The following SRPK2 variants were observed in gnomAD, a reference collection of about 807,000 sequenced individuals.
SRPK2 encodes the protein SFRS protein kinase 2.
Under a neutral mutation model 90.8 loss-of-function variants are expected in SRPK2, and 21 were observed. That is an observed-to-expected ratio of 0.23 (90% CI 0.16 to 0.33). The LOEUF is 0.33. Ranked by LOEUF, SRPK2 falls within the 10% of genes least tolerant of loss-of-function variation. The pLI is 1.00. For missense variants in SRPK2, 620 were observed against 869.0 expected, an observed-to-expected ratio of 0.71 and a Z score of 3.60; for synonymous variants, 288 against 311.1, an observed-to-expected ratio of 0.93 and a Z score of 0.78.
At chr7:105,170,466 G>A (rs11520996) in intron 3 of SRPK2, among the ~76,000 whole-genome samples, 108,294 of 151,562 alleles carry the variant, frequency 0.71, 41,778 homozygotes, top group Non-Finnish European at 0.87. Flanking sequence ...GCCAAGGCGG[G>A]CAGATCACCT....
intron 2 of SRPK2, among the ~76,000 whole-genome samples, chr7:105,280,825 T>C (rs374133538): frequency 6.6e-6 from 1 of 150,682 alleles, no homozygotes; most frequent in African/African-American, 2.4e-5. Flanking sequence ...CGGGCACCTG[T>C]AGTCCCAGCT....
intron 15 of SRPK2, among the ~76,000 whole-genome samples, chr7:105,123,356 C>T (rs918290809): frequency 6.6e-6 from 1 of 152,166 alleles, no homozygotes; most frequent in Non-Finnish European, 1.5e-5. Flanking sequence ...CCCCACTCTT[C>T]TCTGGCTGCG....
At chr7:105,378,974 T>G (rs541409090) in intron 2 of SRPK2, among the ~76,000 whole-genome samples, 1 of 151,642 alleles carries the variant, frequency 6.6e-6, no homozygotes, top group Admixed American at 6.6e-5. Flanking sequence ...CTGGGCAACA[T>G]AGGGAGATCC....
At chr7:105,354,363 G>A (rs1023638733) in intron 2 of SRPK2, among the ~76,000 whole-genome samples, 2 of 152,144 alleles carry the variant, frequency 1.3e-5, no homozygotes, top group Non-Finnish European at 2.9e-5. Context: ...CATCCACCCT[G>A]TACTCAGAGA....
At chr7:105,329,991 C>T (rs1398467519) in intron 2 of SRPK2, among the ~76,000 whole-genome samples, 4 of 152,034 alleles carry the variant, frequency 2.6e-5, no homozygotes, top group Non-Finnish European at 5.9e-5. Flanking sequence ...ACCGAGATCA[C>T]GTCCCGGCAC....
chr7:105,193,224 A>G (rs1794523532), intron 3 of SRPK2, among the ~76,000 whole-genome samples: 1 of 152,184 alleles, frequency 6.6e-6, no homozygotes, highest in African/African-American at 2.4e-5. Flanking sequence ...TGTTTAAGGT[A>G]TGAAATGAGG....
At chr7:105,247,949 G>C (rs1801938106) in intron 2 of SRPK2, among the ~76,000 whole-genome samples, 1 of 151,716 alleles carries the variant, frequency 6.6e-6, no homozygotes, top group Non-Finnish European at 1.5e-5. Flanking sequence ...CCACCTCCCG[G>C]GTTCAAGCGA....
intron 2 of SRPK2, among the ~76,000 whole-genome samples, chr7:105,347,765 G>A (rs1816641626): frequency 6.6e-6 from 1 of 151,690 alleles, no homozygotes; most frequent in Non-Finnish European, 1.5e-5. Context: ...GCTGAAGCAG[G>A]AGAATTGCTT....
Position 105,388,862 on chromosome 7 carries a change from A to G in SRPK2, c.-56T>C. On this transcript the variant is annotated 5_prime_UTR_variant, in exon 1 of 16. Transcript: ENST00000393651. ...TCGCGACGGCGACGCGGGCGCCGAG[A>G]CGAGCTGGGCTGCAGCCTCCACTCG... 7.6e-7 allele frequency: 1 copy of G among 1,309,928 alleles called. No individual in the cohort carries two copies. Among genetic ancestry groups the G allele is most frequent in the African/African-American group, 1.6e-5 (1 of 63,964 alleles). The allele number at this position is 1,309,928 out of a possible 1,614,324, so 81.1% of individuals were successfully genotyped here.
At chr7:105,306,594 T>G (rs1037901168) in intron 2 of SRPK2, 26 of 417,136 alleles carry the variant, frequency 6.2e-5, no homozygotes, top group Non-Finnish European at 5.1e-5. Flanking sequence ...AAAACAGTCA[T>G]GAAGAAAAAA....
At chr7:105,168,734 A>ACACG (rs1276308402) in intron 4 of SRPK2, among the ~76,000 whole-genome samples, 1 of 71,060 alleles carries the variant, frequency 1.4e-5, no homozygotes, top group Non-Finnish European at 3.9e-5. Context: ...ACACACACAC[A>ACACG]CACGCACCAA....
intron 7 of SRPK2, among the ~76,000 whole-genome samples, chr7:105,153,322 A>G (rs182585188): frequency 2.6e-5 from 4 of 152,212 alleles, no homozygotes; most frequent in African/African-American, 7.2e-5. Flanking sequence ...GTTCAGAGAA[A>G]GTTCCTTCTT....
chr7:105,289,487 T>C (rs1200787716), intron 2 of SRPK2, among the ~76,000 whole-genome samples: 1 of 152,096 alleles, frequency 6.6e-6, no homozygotes. Context: ...CCATAGACTA[T>C]TAAGTGTGCG....
At chr7:105,172,635 G>A (rs1442830297) in intron 3 of SRPK2, among the ~76,000 whole-genome samples, 1 of 152,146 alleles carries the variant, frequency 6.6e-6, no homozygotes, top group Non-Finnish European at 1.5e-5. Context: ...ATGCTACAGA[G>A]AACACCAAGT....
intron 7 of SRPK2, among the ~76,000 whole-genome samples, chr7:105,150,390 A>G (rs2129578563): frequency 6.6e-6 from 1 of 152,286 alleles, no homozygotes; most frequent in Middle Eastern, 3.4e-3. Context: ...GCATAGTGGC[A>G]CAGGCAAGGT....
chr7:105,207,034 C>T (rs1796310860), intron 2 of SRPK2, among the ~76,000 whole-genome samples: 1 of 152,206 alleles, frequency 6.6e-6, no homozygotes, highest in Admixed American at 6.5e-5. Context: ...CTTTTTCATC[C>T]CTCCATCCTT....
At chr7:105,215,399 T>C (rs1251541276) in intron 2 of SRPK2, among the ~76,000 whole-genome samples, 2 of 152,030 alleles carry the variant, frequency 1.3e-5, no homozygotes, top group African/African-American at 4.8e-5. Flanking sequence ...ATGATGAAAA[T>C]GGAAAATGGT....
intron 3 of SRPK2, among the ~76,000 whole-genome samples, chr7:105,171,850 A>G (rs1194912869): frequency 6.6e-6 from 1 of 152,208 alleles, no homozygotes; most frequent in African/African-American, 2.4e-5. Context: ...AACTAAAATT[A>G]ATTAAAAGAA....
intron 2 of SRPK2, among the ~76,000 whole-genome samples, chr7:105,245,480 G>A (rs1483146700): frequency 6.6e-6 from 1 of 152,148 alleles, no homozygotes; most frequent in South Asian, 2.1e-4. Flanking sequence ...GTCTCTTTTA[G>A]GAATATAATT....
Sources: allele counts gnomAD v4.1 joint callset (sites outside exome capture counted in the v4.1 genomes callset), GRCh38; gene constraint gnomAD v4.1.1; transcripts MANE v1.5; gene names NCBI Gene and HGNC (gene_info 2026-07-23, HGNC 2026-07-21).